Variants in CAST observed in about 807,000 individuals in gnomAD.
CAST encodes the protein MIR583 host.
Under a neutral mutation model 119.6 loss-of-function variants are expected in CAST, and 76 were observed. That is an observed-to-expected ratio of 0.64 (90% confidence interval 0.53 to 0.77). The LOEUF (loss-of-function observed/expected upper bound fraction) is 0.77, where lower values mean the gene tolerates loss of function less well. CAST is among the 30% of genes least tolerant of loss of function. The pLI is 0.00. For missense variants in CAST, 953 were observed against 946.5 expected (o/e 1.01, Z -0.09); for synonymous variants, 319 against 331.6 (o/e 0.96, Z 0.41).
At chr5:96,662,674 T>G (rs1580869784) in intron 1 of CAST, among the ~76,000 whole-genome samples, 177 bp downstream of exon 1, 1 of 59,206 alleles carries the variant, frequency 1.7e-5, no homozygotes, top group African/African-American at 1.1e-4. Context: ...GCAGGTGGCT[T>G]CGGTTCCCCG....
chr5:96,340,190 C>T, the CAST span, among the ~76,000 whole-genome samples: 1 of 152,158 alleles, frequency 6.6e-6, no homozygotes, highest in Non-Finnish European at 1.5e-5. Flanking sequence ...CAAGGATACA[C>T]TCTTATCTAA....
the CAST span, among the ~76,000 whole-genome samples, chr5:96,497,593 G>A: frequency 6.6e-6 from 1 of 152,090 alleles, no homozygotes; most frequent in African/African-American, 2.4e-5. Flanking sequence ...GTTTTGATTT[G>A]CATTTCTCTG....
At chr5:96,039,687 G>A in the CAST span, among the ~76,000 whole-genome samples, 1 of 152,100 alleles carries the variant, frequency 6.6e-6, no homozygotes, top group Non-Finnish European at 1.5e-5. Context: ...GGTGCTAGAT[G>A]TGTGGTCTTA....
At chr5:96,502,618 T>G in the CAST span, among the ~76,000 whole-genome samples, 13 of 39,658 alleles carry the variant, frequency 3.3e-4, no homozygotes, top group Non-Finnish European at 5.6e-4. Context: ...TACCTAGTCT[T>G]TCTTTCTTTC....
At chr5:96,069,640 A>C in the CAST span, among the ~76,000 whole-genome samples, 3 of 143,564 alleles carry the variant, frequency 2.1e-5, no homozygotes, top group Non-Finnish European at 4.5e-5. Flanking sequence ...GTGCCACTAC[A>C]TCTGGGTAAT....
the CAST span, among the ~76,000 whole-genome samples, chr5:96,196,926 G>A: frequency 6.6e-6 from 1 of 152,162 alleles, no homozygotes; most frequent in South Asian, 2.1e-4. Flanking sequence ...GATGATGACT[G>A]CTTATTAGAG....
At chr5:96,096,986 CT>C in the CAST span, among the ~76,000 whole-genome samples, 1 of 152,152 alleles carries the variant, frequency 6.6e-6, no homozygotes, top group African/African-American at 2.4e-5. Flanking sequence ...CTCCAGGGTC[CT>C]TTTAAAAAAA....
chr5:96,641,519 C>T (rs1455429960), intron 1 of CAST, among the ~76,000 whole-genome samples: 1 of 152,150 alleles, frequency 6.6e-6, no homozygotes, highest in South Asian at 2.1e-4. Context: ...TGAATCGTCC[C>T]TTTTCAATGT....
At chr5:96,367,533 C>A in the CAST span, among the ~76,000 whole-genome samples, 1 of 151,512 alleles carries the variant, frequency 6.6e-6, no homozygotes, top group Non-Finnish European at 1.5e-5. Flanking sequence ...GTAGGCGCCC[C>A]TCCCCCAGAC....
chr5:96,383,622 A>G, the CAST span, among the ~76,000 whole-genome samples: 1 of 151,928 alleles, frequency 6.6e-6, no homozygotes, highest in Non-Finnish European at 1.5e-5. Context: ...ATTTTTTTGT[A>G]TTTTTAGTAG....
chr5:96,542,986 G>A (rs370662531), intron 1 of CAST, among the ~76,000 whole-genome samples: 1 of 152,242 alleles, frequency 6.6e-6, no homozygotes, highest in East Asian at 1.9e-4. Context: ...GATTCCTCAA[G>A]GATCTAGAAC....
chr5:96,179,515 A>G, the CAST span, among the ~76,000 whole-genome samples: 1 of 152,202 alleles, frequency 6.6e-6, no homozygotes, highest in Non-Finnish European at 1.5e-5. Context: ...GGGCAAGTGC[A>G]GGGTTTTCAT....
chr5:96,187,957 G>C, the CAST span, among the ~76,000 whole-genome samples: 1 of 152,142 alleles, frequency 6.6e-6, no homozygotes, highest in Non-Finnish European at 1.5e-5. Flanking sequence ...GATTCTGGGA[G>C]GGGACTTCAC....
At chr5:96,745,347 A>G (rs540121422) in intron 16 of CAST, among the ~76,000 whole-genome samples, 4 of 152,268 alleles carry the variant, frequency 2.6e-5, no homozygotes, top group South Asian at 2.1e-4. Context: ...CAACTAACCA[A>G]TCAGTGGGTT....
chr5:96,568,066 C>T (rs750260070), intron 1 of CAST, among the ~76,000 whole-genome samples: 1 of 152,060 alleles, frequency 6.6e-6, no homozygotes, highest in Non-Finnish European at 1.5e-5. Context: ...TAAAAGGGTA[C>T]TTTTTGACTG....
the CAST span, among the ~76,000 whole-genome samples, chr5:96,004,003 AG>A: frequency 6.6e-6 from 1 of 152,232 alleles, no homozygotes; most frequent in Non-Finnish European, 1.5e-5. Context: ...AGTAAGAAGA[AG>A]GGGTGGCATA....
chr5:96,379,792 A>G, the CAST span: 3 of 152,182 alleles, frequency 2.0e-5, no homozygotes, highest in Non-Finnish European at 4.4e-5. Context: ...TTTCTCCTCA[A>G]TCAGCCCTTT....
the CAST span, among the ~76,000 whole-genome samples, chr5:96,398,425 C>T: frequency 2.0e-4 from 31 of 152,304 alleles, no homozygotes; most frequent in African/African-American, 7.2e-4. Context: ...TATAAAATGG[C>T]CTTATTCATG....
intron 19 of CAST, 71 bp downstream of exon 19, chr5:96,748,684 G>A: frequency 2.7e-6 from 2 of 728,996 alleles, no homozygotes; most frequent in Non-Finnish European, 4.8e-6. Context: ...GAGACAGACT[G>A]TTTTAGCATC....
Sources: allele counts gnomAD v4.1 joint callset (sites outside exome capture counted in the v4.1 genomes callset), GRCh38; gene constraint gnomAD v4.1.1; transcripts MANE v1.5; gene names NCBI Gene and HGNC (gene_info 2026-07-23, HGNC 2026-07-21).